Variants in CNBD1 observed in about 807,000 individuals in gnomAD.
The protein encoded by CNBD1 is cyclic nucleotide binding domain containing 1, also known as cyclic nucleotide-binding domain-containing protein 1.
A neutral mutation model predicts 54.4 loss-of-function variants in CNBD1; 71 were observed. The ratio of observed to expected loss-of-function variants is 1.30; its 90% CI spans 1.08 to 1.59. The LOEUF (loss-of-function observed/expected upper bound fraction) is 1.59. Among genes scored for constraint, CNBD1 ranks in the 40% most tolerant of loss-of-function variants. The pLI is 0.00. For missense variants in CNBD1, 659 were observed against 518.0 expected (o/e 1.27, Z -2.64); for synonymous variants, 182 against 170.7 (o/e 1.07, Z -0.51).
At chr8:86,963,810 A>G (rs1808000570) in intron 4 of CNBD1, among the ~76,000 whole-genome samples, 1 of 152,106 alleles carries the variant, frequency 6.6e-6, no homozygotes, top group African/African-American at 2.4e-5. Context: ...GATGGCAATG[A>G]CAGTCTGAAC....
intron 6 of CNBD1, among the ~76,000 whole-genome samples, chr8:87,251,149 A>T (rs980090829): frequency 6.6e-6 from 1 of 151,960 alleles, no homozygotes; most frequent in Non-Finnish European, 1.5e-5. Context: ...AATTAAATAA[A>T]AATTATAAAT....
intron 3 of CNBD1, among the ~76,000 whole-genome samples, chr8:86,920,660 A>G (rs1289686111): frequency 6.6e-6 from 1 of 152,184 alleles, no homozygotes; most frequent in Non-Finnish European, 1.5e-5. Context: ...AGAAGTCTGT[A>G]TGCTCAGTCA....
intron 10 of CNBD1, among the ~76,000 whole-genome samples, chr8:87,361,646 C>A (rs1810526057): frequency 2.7e-5 from 4 of 150,414 alleles, no homozygotes; most frequent in Admixed American, 2.7e-4. Context: ...TTTGCCCCAG[C>A]AATTCCAGTT....
intron 3 of CNBD1, among the ~76,000 whole-genome samples, chr8:86,938,991 CACAG>C (rs1404509851): frequency 4.6e-5 from 7 of 152,018 alleles, no homozygotes; most frequent in African/African-American, 1.7e-4. Flanking sequence ...TTTTCTTAAA[CACAG>C]ACAGCACTTG....
At chr8:87,331,358 C>T (rs1238523604) in intron 8 of CNBD1, among the ~76,000 whole-genome samples, 2 of 152,142 alleles carry the variant, frequency 1.3e-5, no homozygotes, top group Non-Finnish European at 2.9e-5. Flanking sequence ...TGATGGCTTC[C>T]AGTTTCATCA....
chr8:87,226,588 G>T (rs567386932), intron 5 of CNBD1, among the ~76,000 whole-genome samples: 79 of 149,000 alleles, frequency 5.3e-4, no homozygotes, highest in South Asian at 2.3e-3. Flanking sequence ...TAGTTTGATT[G>T]CACTGTGGTC....
At chr8:87,254,937 G>A (rs1184847944) in intron 6 of CNBD1, among the ~76,000 whole-genome samples, 1 of 151,874 alleles carries the variant, frequency 6.6e-6, no homozygotes, top group Non-Finnish European at 1.5e-5. Flanking sequence ...TTTTTTCCTG[G>A]TTATATTTCA....
At chr8:86,940,979 G>C (rs1809645108) in intron 4 of CNBD1, among the ~76,000 whole-genome samples, 1 of 152,152 alleles carries the variant, frequency 6.6e-6, no homozygotes, top group South Asian at 2.1e-4. Context: ...ACACGATCCA[G>C]GTTTAAGTGT....
intron 2 of CNBD1, among the ~76,000 whole-genome samples, chr8:87,407,797 C>T (rs1001344030): frequency 1.3e-5 from 2 of 151,924 alleles, no homozygotes; most frequent in Admixed American, 6.6e-5. Flanking sequence ...TGGATATCCT[C>T]TTGAATAAGT....
intron 8 of CNBD1, among the ~76,000 whole-genome samples, chr8:87,338,174 CG>C (rs1394242239): frequency 2.0e-5 from 3 of 152,136 alleles, no homozygotes; most frequent in African/African-American, 7.2e-5. Flanking sequence ...CTTTAAGTAA[CG>C]TTATAAGAAT....
chr8:87,056,998 C>G (rs1810429018), intron 4 of CNBD1, among the ~76,000 whole-genome samples: 1 of 152,118 alleles, frequency 6.6e-6, no homozygotes, highest in South Asian at 2.1e-4. Context: ...TGCTTCCAAC[C>G]AAAAGAGTGT....
intron 10 of CNBD1, among the ~76,000 whole-genome samples, chr8:87,369,597 T>G (rs780007118): frequency 9.9e-5 from 15 of 152,016 alleles, no homozygotes; most frequent in Non-Finnish European, 1.8e-4. Flanking sequence ...GCTGATAGTC[T>G]TTTTCTTTCA....
intron 4 of CNBD1, among the ~76,000 whole-genome samples, chr8:87,145,422 T>C (rs977258214): frequency 2.0e-5 from 3 of 152,160 alleles, no homozygotes; most frequent in African/African-American, 7.2e-5. Flanking sequence ...AAAGAAACTT[T>C]TAAAATACGT....
intron 4 of CNBD1, among the ~76,000 whole-genome samples, chr8:87,155,064 C>T (rs1204716399): frequency 1.3e-5 from 2 of 152,128 alleles, no homozygotes; most frequent in Admixed American, 1.3e-4. Flanking sequence ...CCACCTGGGT[C>T]TGGGAGGGCA....
Position 86,975,565 on chromosome 8 carries a change from CTT to C in CNBD1, c.431+35817_431+35818del, listed in dbSNP as rs545852656. ...TTGTTATAAATGACAGAATTTTCTT[CTT>C]TTTTTAAGGCATAATAGTGTTCCAT... On this transcript the variant is annotated intron_variant, in intron 4 of 10. Coordinates refer to ENST00000518476, the MANE Select transcript of CNBD1 (RefSeq NM_173538.3). Among the ~76,000 whole-genome samples, 123 of 152,060 alleles carry C rather than the reference CTT, an allele frequency of 8.1e-4. 3 individuals carry two copies. In the South Asian group the frequency reaches 0.023, roughly 28 times the overall value.
chr8:87,341,093 T>C (rs377129528), intron 8 of CNBD1, among the ~76,000 whole-genome samples: 12 of 152,294 alleles, frequency 7.9e-5, no homozygotes, highest in African/African-American at 2.9e-4. Flanking sequence ...TCAAGCCTTT[T>C]CTTTAGATGT....
At chr8:87,340,642 G>A (rs1001549758) in intron 8 of CNBD1, among the ~76,000 whole-genome samples, 1 of 151,576 alleles carries the variant, frequency 6.6e-6, no homozygotes, top group African/African-American at 2.4e-5. Flanking sequence ...AAGCTTTTCT[G>A]TCAGGAAAAT....
chr8:87,194,111 G>T (rs1176417975), intron 4 of CNBD1, among the ~76,000 whole-genome samples: 1 of 152,162 alleles, frequency 6.6e-6, no homozygotes, highest in African/African-American at 2.4e-5. Flanking sequence ...TCTAGGCTAT[G>T]TGTGCCTTAT....
At chr8:87,240,327 A>G (rs1474947907) in intron 6 of CNBD1, among the ~76,000 whole-genome samples, 1 of 152,148 alleles carries the variant, frequency 6.6e-6, no homozygotes, top group Non-Finnish European at 1.5e-5. Flanking sequence ...AATTATGTGG[A>G]AAAAACTGAT....
Sources: gnomAD v4.1 joint callset for allele counts (sites outside exome capture counted in the v4.1 genomes callset) on GRCh38, gnomAD v4.1.1 for gene constraint, MANE v1.5 for transcripts, NCBI Gene and HGNC (gene_info 2026-07-23, HGNC 2026-07-21) for gene names.